The following RIN2 variants were observed in gnomAD, a reference collection of about 807,000 sequenced individuals.
RIN2 encodes Ras and Rab interactor 2, also known as RAB5 interacting protein 2.
In RIN2, 36 loss-of-function variants were observed where a neutral mutation model predicts 78.0. The ratio of observed to expected loss-of-function variants is 0.46; its 90% CI spans 0.35 to 0.61. The LOEUF is 0.61. Among genes scored for constraint, RIN2 ranks in the 20% least tolerant of loss-of-function variants. The pLI, the probability that RIN2 is intolerant of heterozygous loss-of-function variation, is 0.00. For missense variants in RIN2, 1,087 were observed against 1,159.7 expected, an observed-to-expected ratio of 0.94 and a Z score of 0.91; for synonymous variants, 466 against 466.8, an observed-to-expected ratio of 1.00 and a Z score of 0.02.
At chr20:19,909,501 A>G (rs1473434212) in intron 3 of RIN2, among the ~76,000 whole-genome samples, 1 of 152,100 alleles carries the variant, frequency 6.6e-6, no homozygotes, top group Non-Finnish European at 1.5e-5. Flanking sequence ...TTCATCCGAG[A>G]TGAGCATTTG....
intron 2 of RIN2, among the ~76,000 whole-genome samples, chr20:19,800,379 T>G (rs114038629): frequency 0.011 from 1,688 of 152,292 alleles, 42 homozygotes; most frequent in African/African-American, 0.039. Flanking sequence ...TACTCCTCCA[T>G]CAAGTGGAGA....
intron 3 of RIN2, among the ~76,000 whole-genome samples, chr20:19,917,525 A>T (rs1263444270): frequency 6.6e-6 from 1 of 151,976 alleles, no homozygotes; most frequent in Non-Finnish European, 1.5e-5. Flanking sequence ...ACCTCTAATC[A>T]CTCCACTCGG....
intron 2 of RIN2, among the ~76,000 whole-genome samples, chr20:19,869,792 TTTTATTTATTTA>T (rs71198030): frequency 2.2e-4 from 30 of 136,442 alleles, no homozygotes; most frequent in Non-Finnish European, 3.9e-4. Context: ...GCCTGGCTAA[TTTTATTTATTTA>T]TTTATTTATT....
intron 7 of RIN2, among the ~76,000 whole-genome samples, chr20:19,966,726 C>T (rs1397839239): frequency 6.6e-6 from 1 of 152,190 alleles, no homozygotes; most frequent in Non-Finnish European, 1.5e-5. Context: ...GAATTCAGCG[C>T]TGCTCACCAG....
intron 7 of RIN2, among the ~76,000 whole-genome samples, chr20:19,966,928 C>CACACAT (rs749291333): frequency 1.3e-5 from 2 of 151,846 alleles, no homozygotes; most frequent in African/African-American, 2.4e-5. Flanking sequence ...CACACACACA[C>CACACAT]ATATATACAC....
At chr20:19,874,118 G>T (rs2037783400) in intron 2 of RIN2, among the ~76,000 whole-genome samples, 2 of 151,804 alleles carry the variant, frequency 1.3e-5, no homozygotes, top group African/African-American at 4.8e-5. Context: ...TGCTTTAAGA[G>T]GCCCCTAAAG....
At chr20:19,787,782 G>C (rs1176993326) in intron 1 of RIN2, among the ~76,000 whole-genome samples, 2 of 152,152 alleles carry the variant, frequency 1.3e-5, no homozygotes, top group East Asian at 3.9e-4. Context: ...CAGGTCCAGA[G>C]ACATAGATCT....
chr20:19,774,626 A>C (rs2034249395), intron 1 of RIN2, among the ~76,000 whole-genome samples: 1 of 152,228 alleles, frequency 6.6e-6, no homozygotes, highest in African/African-American at 2.4e-5. Flanking sequence ...TTTGCTCATC[A>C]AATCACTATT....
intron 4 of RIN2, among the ~76,000 whole-genome samples, chr20:19,946,175 G>T (rs1053524610): frequency 8.5e-5 from 13 of 152,202 alleles, no homozygotes; most frequent in Non-Finnish European, 1.9e-4. Context: ...CTGGGGATGA[G>T]GCCAGGCTAG....
At chr20:19,796,250 T>C (rs2035052095) in intron 1 of RIN2, among the ~76,000 whole-genome samples, 1 of 152,202 alleles carries the variant, frequency 6.6e-6, no homozygotes, top group East Asian at 1.9e-4. Flanking sequence ...TATATGGACT[T>C]ATTCTCAGGA....
intron 3 of RIN2, among the ~76,000 whole-genome samples, chr20:19,907,848 C>CAGCT (rs2039282724): frequency 6.6e-6 from 1 of 152,188 alleles, no homozygotes; most frequent in Non-Finnish European, 1.5e-5. Flanking sequence ...GCACCATTAC[C>CAGCT]AGCTGCATGA....
At chr20:19,866,063 A>G (rs932952993) in intron 2 of RIN2, among the ~76,000 whole-genome samples, 3 of 152,012 alleles carry the variant, frequency 2.0e-5, no homozygotes, top group Non-Finnish European at 1.5e-5. Flanking sequence ...AGTCACCTTA[A>G]TGTAGAATCA....
At chr20:19,856,300 G>C (rs1240349833) in intron 2 of RIN2, among the ~76,000 whole-genome samples, 1 of 152,080 alleles carries the variant, frequency 6.6e-6, no homozygotes, top group Non-Finnish European at 1.5e-5. Context: ...TAAATTCTAA[G>C]AGATAAGAAA....
chr20:19,916,716 A>G (rs2039700221), intron 3 of RIN2, among the ~76,000 whole-genome samples: 1 of 152,256 alleles, frequency 6.6e-6, no homozygotes, highest in African/African-American at 2.4e-5. Flanking sequence ...CTCCCTGGAG[A>G]CCAACCCTGG....
intron 1 of RIN2, among the ~76,000 whole-genome samples, chr20:19,765,005 C>T (rs2033825152): frequency 1.4e-5 from 2 of 141,948 alleles, no homozygotes; most frequent in Non-Finnish European, 3.0e-5. Flanking sequence ...CTCACTGCAA[C>T]CTCTGCCTAC....
intron 10 of RIN2, 129 bp from the exon 11 acceptor site, chr20:19,992,039 C>A (rs147950732): frequency 9.5e-7 from 1 of 1,051,262 alleles, no homozygotes; most frequent in Non-Finnish European, 1.3e-6. Flanking sequence ...CAGAAACACT[C>A]ACCTCTGTTT....
chr20:19,824,013 C>T (rs956906076), intron 2 of RIN2: 3 of 956,718 alleles, frequency 3.1e-6, no homozygotes, highest in Non-Finnish European at 4.7e-6. Context: ...TTGGCCTCCT[C>T]CGAGCCGAAA....
intron 3 of RIN2, among the ~76,000 whole-genome samples, chr20:19,914,797 A>T (rs2039618213): frequency 6.6e-6 from 1 of 152,186 alleles, no homozygotes; most frequent in Admixed American, 6.5e-5. Context: ...ATGCGTGTGC[A>T]CATTCCAGTT....
intron 3 of RIN2, among the ~76,000 whole-genome samples, chr20:19,924,480 C>T: frequency 7.8e-6 from 1 of 128,088 alleles, no homozygotes; most frequent in Non-Finnish European, 1.8e-5. Context: ...ATACCCCCAC[C>T]TTCATACCCC....
Sources: allele counts gnomAD v4.1 joint callset (sites outside exome capture counted in the v4.1 genomes callset), GRCh38; gene constraint gnomAD v4.1.1; transcripts MANE v1.5; gene names NCBI Gene and HGNC (gene_info 2026-07-23, HGNC 2026-07-21).